The following KCNK13 variants were observed in gnomAD, a reference collection of about 807,000 sequenced individuals.
The protein encoded by KCNK13 is potassium two pore domain channel subfamily K member 13, also known as potassium channel subfamily K member 13.
KCNK13 carries 12 observed loss-of-function variants against 23.4 expected under a neutral mutation model. The observed-to-expected ratio is 0.51, with a 90% CI of 0.33 to 0.83. The LOEUF (loss-of-function observed/expected upper bound fraction) is 0.83. KCNK13 is among the 40% of genes least tolerant of loss of function. The probability of loss-of-function intolerance (pLI) is 0.02; values close to 1 mark genes in which losing one functional copy is unlikely to be tolerated. For missense variants in KCNK13, 463 were observed against 556.3 expected (o/e 0.83, Z 1.69); for synonymous variants, 231 against 229.5 (o/e 1.01, Z -0.06).
chr14:90,101,749 C>T (rs1480557851), intron 1 of KCNK13, among the ~76,000 whole-genome samples: 3 of 123,840 alleles, frequency 2.4e-5, no homozygotes, highest in South Asian at 5.6e-4. Context: ...AAGATCGTAC[C>T]ACTGCACTCC....
intron 1 of KCNK13, among the ~76,000 whole-genome samples, chr14:90,076,781 C>G (rs1197235639): frequency 6.6e-6 from 1 of 152,082 alleles, no homozygotes; most frequent in African/African-American, 2.4e-5. Context: ...CAGTTAATGT[C>G]TTGCTCAATT....
chr14:90,102,195 T>A (rs1204701784), intron 1 of KCNK13, among the ~76,000 whole-genome samples: 1 of 152,076 alleles, frequency 6.6e-6, no homozygotes, highest in African/African-American at 2.4e-5. Flanking sequence ...AAATAAAAAA[T>A]TTTTAAAAAG....
chr14:90,103,788 C>T (rs778737016), intron 1 of KCNK13, among the ~76,000 whole-genome samples: 3 of 152,112 alleles, frequency 2.0e-5, no homozygotes, highest in Admixed American at 1.3e-4. Flanking sequence ...GTCTCAAACC[C>T]GGGACCTTAG....
rs1555352006 is a variant in KCNK13, at chr14:90,141,796, G to GGGA, written c.335-42313_335-42312insAGG. Among the ~76,000 whole-genome samples the GGGA allele has an allele frequency of 6.2e-5, 9 of 145,440 alleles. No homozygotes were observed. In the East Asian group the frequency reaches 1.5e-3, roughly 24 times the overall value. On this transcript the variant is annotated intron_variant, in intron 1 of 1. Transcript: ENST00000282146. ...GGTTTTTGTTTTGTTTTGTTTTTTGGGGGGGGGGACGGAGCCTTGCTCTGT... is the reference window on the plus strand; with the variant it reads ...GGTTTTTGTTTTGTTTTGTTTTTTGGGGAGGGGGGGGACGGAGCCTTGCTCTGT...
intron 1 of KCNK13, among the ~76,000 whole-genome samples, chr14:90,164,999 G>A (rs55715705): frequency 0.1 from 15,547 of 152,216 alleles, 829 homozygotes; most frequent in East Asian, 0.17. Context: ...TTACAGTTCC[G>A]CGTGGCTGAG....
intron 1 of KCNK13, among the ~76,000 whole-genome samples, chr14:90,165,765 A>G (rs1047802069): frequency 4.6e-5 from 7 of 152,260 alleles, no homozygotes; most frequent in African/African-American, 1.4e-4. Context: ...GGGTAAAATC[A>G]GAAATAATGA....
rs1436881556 is a variant in KCNK13, at chr14:90,062,560, C to G, written c.334+21C>G. 1 of 1,431,528 alleles carries G rather than the reference C, an allele frequency of 7.0e-7. No homozygotes were observed. Among genetic ancestry groups the G allele is most frequent in the South Asian group, 1.5e-5 (1 of 66,966 alleles). The allele number at this position is 1,431,528 out of a possible 1,614,324, so 88.7% of individuals were successfully genotyped here. On this transcript the variant is annotated intron_variant, in intron 1 of 1. Coordinates refer to ENST00000282146, the MANE Select transcript of KCNK13 (RefSeq NM_022054.4). This position sits in a 1 kb window ranked among gnomAD's most constrained non-coding sequence, Gnocchi z 4.5. ...CATAGGTAAGTGTGCTGGCCGGACT[C>G]GCTGACAACCTCCGGGCGGCCTCCA...
intron 1 of KCNK13, among the ~76,000 whole-genome samples, chr14:90,108,992 C>A (rs1233215942): frequency 6.6e-6 from 1 of 151,850 alleles, no homozygotes; most frequent in African/African-American, 2.4e-5. Flanking sequence ...CTGGCTAACA[C>A]GGTGAAACCC....
intron 1 of KCNK13, among the ~76,000 whole-genome samples, chr14:90,157,907 G>A (rs1169228959): frequency 3.3e-5 from 5 of 150,018 alleles, no homozygotes; most frequent in Admixed American, 3.3e-4. Context: ...TGCCATGTTG[G>A]CCAGGCTGGT....
rs959207844 is a variant in KCNK13, at chr14:90,062,689, A to G, written c.334+150A>G. On this transcript the variant is annotated intron_variant, in intron 1 of 1. Transcript: ENST00000282146. The surrounding 1 kb of genome is among the most constrained non-coding windows in gnomAD (Gnocchi z 4.5). Reference sequence around the variant, plus strand: ...AGCTGTCGCCTGATCAACAGGTGGTATTGCCTCCCCGCTGCTCTAATGTGG... The same window carrying G: ...AGCTGTCGCCTGATCAACAGGTGGTGTTGCCTCCCCGCTGCTCTAATGTGG... The G allele has an allele frequency of 1.2e-4, 72 of 585,322 alleles. No homozygotes were observed. Among genetic ancestry groups the G allele is most frequent in the Non-Finnish European group, 1.9e-4 (66 of 347,714 alleles). The allele number at this position is 585,322 out of a possible 1,614,324, so 36.3% of individuals were successfully genotyped here.
At chr14:90,152,419 C>A (rs938361527) in intron 1 of KCNK13, among the ~76,000 whole-genome samples, 1 of 152,120 alleles carries the variant, frequency 6.6e-6, no homozygotes, top group Non-Finnish European at 1.5e-5. Flanking sequence ...CCTGTAATCC[C>A]AGCTACTCAG....
chr14:90,129,513 G>A (rs1889842388), intron 1 of KCNK13, among the ~76,000 whole-genome samples: 1 of 152,186 alleles, frequency 6.6e-6, no homozygotes, highest in Admixed American at 6.5e-5. Flanking sequence ...GGCTGAAGCT[G>A]CTGCTCCAGA....
chr14:90,083,915 A>G (rs540030331), intron 1 of KCNK13, among the ~76,000 whole-genome samples: 11 of 152,304 alleles, frequency 7.2e-5, no homozygotes, highest in African/African-American at 2.6e-4. Context: ...GTTTTAGCAC[A>G]CTTGACAAAA....
At chr14:90,075,579 A>G (rs1298383128) in intron 1 of KCNK13, among the ~76,000 whole-genome samples, 1 of 151,970 alleles carries the variant, frequency 6.6e-6, no homozygotes, top group Non-Finnish European at 1.5e-5. Context: ...CCCAGTTTCC[A>G]GTGATTCTCC....
intron 1 of KCNK13, among the ~76,000 whole-genome samples, chr14:90,135,889 T>C (rs1309805318): frequency 1.3e-5 from 2 of 152,088 alleles, no homozygotes; most frequent in African/African-American, 2.4e-5. Flanking sequence ...GATAAGCTGC[T>C]TTTTTCCCTT....
intron 1 of KCNK13, among the ~76,000 whole-genome samples, chr14:90,136,950 T>G (rs1223771598): frequency 6.6e-6 from 1 of 152,128 alleles, no homozygotes; most frequent in African/African-American, 2.4e-5. Context: ...AGACAGATAA[T>G]GAAAGAAATG....
intron 1 of KCNK13, among the ~76,000 whole-genome samples, chr14:90,114,305 T>C (rs1889649177): frequency 6.6e-6 from 1 of 152,206 alleles, no homozygotes; most frequent in Non-Finnish European, 1.5e-5. Flanking sequence ...CCAGACCCCC[T>C]TGGACTTCTC....
In KCNK13 at chr14:90,158,609, A is replaced by G. The variant is rs114169796; in HGVS notation, c.335-25502A>G. On this transcript the variant is annotated intron_variant, in intron 1 of 1. Transcript: ENST00000282146. Reference sequence around the variant, plus strand: ...CTCCCAAAAACTGGAGAAAAAATACATTTCAAAGAAGGCTTCCTGGGGTGC... The same window carrying G: ...CTCCCAAAAACTGGAGAAAAAATACGTTTCAAAGAAGGCTTCCTGGGGTGC... 4.0e-3 allele frequency among the ~76,000 whole-genome samples: 605 copies of G among 152,302 alleles called. 5 individuals are homozygous for G. Among genetic ancestry groups the G allele is most frequent in the African/African-American group, 0.014 (589 of 41,574 alleles).
chr14:90,171,114 C>T (rs947867149), intron 1 of KCNK13, among the ~76,000 whole-genome samples: 8 of 152,296 alleles, frequency 5.3e-5, no homozygotes, highest in African/African-American at 1.9e-4. Context: ...CTTGCCTAAT[C>T]GTGTCACCAA....
Sources: allele counts gnomAD v4.1 joint callset (sites outside exome capture counted in the v4.1 genomes callset), GRCh38; gene constraint gnomAD v4.1.1; non-coding constraint Gnocchi (gnomAD v3.1); transcripts MANE v1.5; gene names NCBI Gene and HGNC (gene_info 2026-07-23, HGNC 2026-07-21).